The following SMYD3 variants were observed in gnomAD, a reference collection of about 807,000 sequenced individuals.
The protein encoded by SMYD3 is histone-lysine N-methyltransferase SMYD3.
SMYD3 carries 36 observed loss-of-function variants against 57.7 expected under a neutral mutation model. That is an observed-to-expected ratio of 0.62 (90% CI 0.48 to 0.82). The LOEUF is 0.82. Among genes scored for constraint, SMYD3 ranks in the 40% least tolerant of loss-of-function variants. SMYD3 has a pLI of 0.00. For missense variants in SMYD3, 515 were observed against 538.8 expected (o/e 0.96, Z 0.44); for synonymous variants, 211 against 195.0 (o/e 1.08, Z -0.68).
intron 5 of SMYD3, among the ~76,000 whole-genome samples, chr1:246,024,984 A>G (rs1262124992): frequency 6.6e-6 from 1 of 151,502 alleles, no homozygotes; most frequent in Non-Finnish European, 1.5e-5. Context: ...AGGAAGGGAG[A>G]TACAGCAAGT....
intron 5 of SMYD3, among the ~76,000 whole-genome samples, chr1:246,042,265 C>T (rs1295999563): frequency 6.6e-6 from 1 of 152,106 alleles, no homozygotes; most frequent in African/African-American, 2.4e-5. Flanking sequence ...TCTGGATTCA[C>T]AGATATATAC....
chr1:246,038,223 C>T (rs2059810243), intron 5 of SMYD3, among the ~76,000 whole-genome samples: 2 of 151,972 alleles, frequency 1.3e-5, no homozygotes, highest in African/African-American at 2.4e-5. Flanking sequence ...TCTTATTTTA[C>T]GTAGTGGAAT....
chr1:246,425,148 C>A (rs1011533090), intron 1 of SMYD3, among the ~76,000 whole-genome samples: 1 of 152,152 alleles, frequency 6.6e-6, no homozygotes, highest in East Asian at 1.9e-4. Flanking sequence ...TAGGTCAGAT[C>A]TCTTTCCAAA....
chr1:245,880,186 C>T (rs767953802), intron 8 of SMYD3, among the ~76,000 whole-genome samples: 9 of 152,234 alleles, frequency 5.9e-5, no homozygotes, highest in Non-Finnish European at 8.8e-5. Context: ...GCAGCTGCAG[C>T]ACCAAGAACA....
At chr1:246,197,534 C>T (rs2062844197) in intron 5 of SMYD3, among the ~76,000 whole-genome samples, 1 of 152,058 alleles carries the variant, frequency 6.6e-6, no homozygotes, top group African/African-American at 2.4e-5. Flanking sequence ...GTACGTTCTA[C>T]AAAATACCTG....
intron 10 of SMYD3, among the ~76,000 whole-genome samples, chr1:245,843,370 G>A (rs1328162723): frequency 6.6e-6 from 1 of 152,116 alleles, no homozygotes; most frequent in Non-Finnish European, 1.5e-5. Flanking sequence ...GCTGCTTTGG[G>A]GATGTGGATC....
chr1:246,464,519 A>C lies in SMYD3; in HGVS notation c.164+42535T>G, dbSNP rs140619263. Among the ~76,000 whole-genome samples, 1,240 of 152,332 alleles carry C rather than the reference A, an allele frequency of 8.1e-3. 13 individuals are homozygous for C. The highest frequency in any genetic ancestry group is 0.028 in the African/African-American group (1,160 of 41,582). On this transcript the variant is annotated intron_variant, in intron 1 of 11. Coordinates refer to ENST00000490107, the MANE Select transcript of SMYD3 (RefSeq NM_001167740.2). ...GTGACAGAGACAGACCCTGTCTCAAAAAAAGGTATACAAGAAAGACAGAAA... is the reference window on the plus strand; with the variant it reads ...GTGACAGAGACAGACCCTGTCTCAACAAAAGGTATACAAGAAAGACAGAAA...
At chr1:246,131,988 C>T (rs1225931018) in intron 5 of SMYD3, among the ~76,000 whole-genome samples, 3 of 152,096 alleles carry the variant, frequency 2.0e-5, no homozygotes, top group African/African-American at 7.2e-5. Flanking sequence ...ATGTTTGCAA[C>T]ACACCCAAAC....
intron 10 of SMYD3, among the ~76,000 whole-genome samples, chr1:245,804,362 C>T (rs1415880831): frequency 1.3e-5 from 2 of 152,144 alleles, no homozygotes; most frequent in Non-Finnish European, 2.9e-5. Flanking sequence ...GCAGGCGGAT[C>T]ACGAAGTCAG....
chr1:246,331,198 C>T lies in SMYD3; in HGVS notation c.337-661G>A, dbSNP rs191979261. ...CAATAATTTGAGAAAGATATTCACA[C>T]TAAAGATGGGTAAAAAAATCTAAAA... On this transcript the variant is annotated intron_variant, in intron 3 of 11. Transcript: ENST00000490107. Among the ~76,000 whole-genome samples the T allele has an allele frequency of 6.0e-4, 92 of 152,208 alleles. No homozygotes were observed. The East Asian group carries it at 0.017, about 28-fold the overall frequency.
At chr1:246,226,441 G>A (rs548569868) in intron 5 of SMYD3, among the ~76,000 whole-genome samples, 1 of 152,270 alleles carries the variant, frequency 6.6e-6, no homozygotes, top group African/African-American at 2.4e-5. Context: ...TTCATCAATG[G>A]CTGTGCTAGA....
intron 10 of SMYD3, among the ~76,000 whole-genome samples, chr1:245,798,760 T>TA (rs1386557543): frequency 6.6e-6 from 1 of 152,082 alleles, no homozygotes; most frequent in Non-Finnish European, 1.5e-5. Flanking sequence ...ATTCCTCTCT[T>TA]ATGTTGTTTG....
At chr1:246,296,802 C>T (rs2064803031) in intron 5 of SMYD3, among the ~76,000 whole-genome samples, 1 of 152,052 alleles carries the variant, frequency 6.6e-6, no homozygotes, top group African/African-American at 2.4e-5. Context: ...TTTAAATAAA[C>T]TCCTATTTAA....
Position 245,778,506 on chromosome 1 carries a change from T to C in SMYD3, c.1077-14357A>G, listed in dbSNP as rs956269216. 6.6e-5 allele frequency among the ~76,000 whole-genome samples: 10 copies of C among 152,244 alleles called. No individual in the cohort carries two copies. The East Asian group carries it at 1.7e-3, about 26-fold the overall frequency. On this transcript the variant is annotated intron_variant, in intron 10 of 11. Coordinates refer to ENST00000490107, the MANE Select transcript of SMYD3 (RefSeq NM_001167740.2). ...CCATCCCAGTGGGTGTGAAGTGCTA[T>C]CTCACTGTGGTTTTGATTTGCATTT...
At chr1:245,946,987 G>A (rs767802264) in intron 5 of SMYD3, among the ~76,000 whole-genome samples, 59 of 152,264 alleles carry the variant, frequency 3.9e-4, no homozygotes, top group South Asian at 2.3e-3. Flanking sequence ...GCGGGGCAGC[G>A]TCGAATCTGC....
intron 5 of SMYD3, among the ~76,000 whole-genome samples, chr1:246,088,563 T>TCC (rs2060765914): frequency 2.9e-5 from 4 of 139,032 alleles, no homozygotes; most frequent in Middle Eastern, 3.5e-3. Context: ...TGAGCCGAGA[T>TCC]CATGCCACTG....
chr1:246,462,233 C>T (rs183303353), intron 1 of SMYD3, among the ~76,000 whole-genome samples: 1,744 of 121,966 alleles, frequency 0.014, 20 homozygotes, highest in Non-Finnish European at 0.021. Context: ...GTGCATCCTC[C>T]CGCGGGGCCT....
intron 5 of SMYD3, among the ~76,000 whole-genome samples, chr1:246,118,674 T>A (rs964456354): frequency 2.0e-5 from 3 of 152,212 alleles, no homozygotes; most frequent in African/African-American, 4.8e-5. Flanking sequence ...CTCCAGGTGA[T>A]GAAAAATGCC....
intron 8 of SMYD3, among the ~76,000 whole-genome samples, chr1:245,883,804 ACTT>A (rs890295808): frequency 5.3e-5 from 8 of 152,114 alleles, no homozygotes; most frequent in Admixed American, 6.5e-5. Flanking sequence ...TATACTAGGA[ACTT>A]CTTCTAGGCT....
Sources: allele counts gnomAD v4.1 joint callset (sites outside exome capture counted in the v4.1 genomes callset), GRCh38; gene constraint gnomAD v4.1.1; transcripts MANE v1.5; gene names NCBI Gene and HGNC (gene_info 2026-07-23, HGNC 2026-07-21).